Variants in FGF14 observed in about 807,000 individuals in gnomAD.
The protein encoded by FGF14 is fibroblast growth factor 14, also known as fibroblast growth factor homologous factor 4.
Under a neutral mutation model 25.5 loss-of-function variants are expected in FGF14, and 5 were observed. The ratio of observed to expected loss-of-function variants is 0.20; its 90% CI spans 0.10 to 0.41. FGF14 has a LOEUF of 0.41. FGF14 is among the 10% of genes least tolerant of loss of function. FGF14 has a pLI of 1.00. For missense variants in FGF14, 222 were observed against 320.1 expected (o/e 0.69, Z 2.34); for synonymous variants, 138 against 118.3 (o/e 1.17, Z -1.08).
intron 1 of FGF14, among the ~76,000 whole-genome samples, chr13:102,301,921 G>T (rs1339317915): frequency 6.6e-6 from 1 of 151,526 alleles, no homozygotes; most frequent in Non-Finnish European, 1.5e-5. Flanking sequence ...GAAAGGAAGT[G>T]TCATCGGAAG....
chr13:101,787,543 A>T (rs1353434777), intron 3 of FGF14, among the ~76,000 whole-genome samples: 1 of 152,158 alleles, frequency 6.6e-6, no homozygotes, highest in African/African-American at 2.4e-5. Flanking sequence ...CAAGCAGCTC[A>T]GTTTCCTCAA....
At chr13:101,814,725 A>G (rs1462905983) in intron 3 of FGF14, among the ~76,000 whole-genome samples, 1 of 152,208 alleles carries the variant, frequency 6.6e-6, no homozygotes, top group African/African-American at 2.4e-5. Context: ...TTTTTGAGGT[A>G]AACCTACAGG....
chr13:101,783,932 G>T (rs188524224), intron 3 of FGF14, among the ~76,000 whole-genome samples: 1 of 152,218 alleles, frequency 6.6e-6, no homozygotes, highest in East Asian at 1.9e-4. Flanking sequence ...GACTGACTAG[G>T]GAATGAATCC....
chr13:102,138,988 T>G (rs2046523418), intron 1 of FGF14, among the ~76,000 whole-genome samples: 1 of 152,224 alleles, frequency 6.6e-6, no homozygotes, highest in Non-Finnish European at 1.5e-5. Flanking sequence ...ATGCACATTT[T>G]AAAGCAAAAG....
intron 1 of FGF14, among the ~76,000 whole-genome samples, chr13:101,966,160 T>C (rs936949106): frequency 3.3e-5 from 5 of 152,222 alleles, no homozygotes; most frequent in African/African-American, 1.2e-4. Flanking sequence ...TGAAAACAGG[T>C]TCTTCACAAA....
At chr13:102,012,413 T>C (rs1052135804) in intron 1 of FGF14, among the ~76,000 whole-genome samples, 7 of 152,188 alleles carry the variant, frequency 4.6e-5, no homozygotes, top group Admixed American at 3.3e-4. Flanking sequence ...CTTTGTTATG[T>C]CTGGGCCTTT....
At chr13:101,987,305 C>G (rs2038640050) in intron 1 of FGF14, among the ~76,000 whole-genome samples, 1 of 152,114 alleles carries the variant, frequency 6.6e-6, no homozygotes, top group South Asian at 2.1e-4. Flanking sequence ...GTCTGCTGCT[C>G]TCTCTCCCTG....
At chr13:101,753,989 A>G (rs1271174166) in intron 3 of FGF14, among the ~76,000 whole-genome samples, 1 of 152,142 alleles carries the variant, frequency 6.6e-6, no homozygotes, top group East Asian at 1.9e-4. Context: ...ACAAAATAGA[A>G]AACAAAGTAA....
At chr13:102,229,384 C>T (rs1302670580) in intron 1 of FGF14, among the ~76,000 whole-genome samples, 5 of 152,180 alleles carry the variant, frequency 3.3e-5, no homozygotes, top group African/African-American at 1.2e-4. Flanking sequence ...CTTAGAACGA[C>T]TATTATCACC....
intron 1 of FGF14, among the ~76,000 whole-genome samples, chr13:102,345,570 T>C (rs1594906630): frequency 6.6e-6 from 1 of 152,240 alleles, no homozygotes; most frequent in Non-Finnish European, 1.5e-5. Flanking sequence ...GTCTCATATG[T>C]ATATGTTGGT....
At chr13:102,163,112 G>A (rs1594230030) in intron 1 of FGF14, among the ~76,000 whole-genome samples, 2 of 152,144 alleles carry the variant, frequency 1.3e-5, no homozygotes, top group African/African-American at 4.8e-5. Flanking sequence ...AAGCTCCAGT[G>A]CTTCCAAACA....
chr13:101,868,251 T>C (rs1191822727), intron 3 of FGF14: 2 of 183,296 alleles, frequency 1.1e-5, no homozygotes, highest in Non-Finnish European at 1.1e-5. Context: ...TTCCAATAAA[T>C]ATTACCACAA....
chr13:101,935,567 C>A (rs900406712), intron 1 of FGF14, among the ~76,000 whole-genome samples: 1 of 152,130 alleles, frequency 6.6e-6, no homozygotes, highest in East Asian at 1.9e-4. Context: ...TGGCATTTCC[C>A]CTGCTTGCAC....
At chr13:102,272,049 T>C (rs1384260376) in intron 1 of FGF14, among the ~76,000 whole-genome samples, 2 of 152,162 alleles carry the variant, frequency 1.3e-5, no homozygotes, top group East Asian at 3.9e-4. Context: ...CCTTAGCCTG[T>C]CCAGCTGCTC....
At chr13:102,222,898 T>G (rs1485277569) in intron 1 of FGF14, among the ~76,000 whole-genome samples, 1 of 152,158 alleles carries the variant, frequency 6.6e-6, no homozygotes, top group African/African-American at 2.4e-5. Context: ...GGTCAAGGCC[T>G]CCATTAACGC....
intron 3 of FGF14, among the ~76,000 whole-genome samples, chr13:101,830,268 C>T (rs913473996): frequency 3.9e-5 from 6 of 152,022 alleles, no homozygotes; most frequent in African/African-American, 1.4e-4. Context: ...TACAGTTATC[C>T]TGGGCCTGGG....
At chr13:102,150,460 C>A (rs1267305544) in intron 1 of FGF14, among the ~76,000 whole-genome samples, 2 of 152,112 alleles carry the variant, frequency 1.3e-5, no homozygotes, top group Non-Finnish European at 2.9e-5. Flanking sequence ...GCAATGGGTT[C>A]TTCATGTGCC....
Position 101,916,819 on chromosome 13 carries a change from C to G in FGF14, c.-174G>C, listed in dbSNP as rs2033560756. ...CTCAGTCCTGACCGGGACCCATCGCCCTCTCCGCGGGGCGCGGGGCCAGGC... is the reference window on the plus strand; with the variant it reads ...CTCAGTCCTGACCGGGACCCATCGCGCTCTCCGCGGGGCGCGGGGCCAGGC... On this transcript the variant is annotated 5_prime_UTR_variant, in exon 1 of 5. Transcript: ENST00000376143. 6.6e-6 allele frequency among the ~76,000 whole-genome samples: 1 copy of G among 152,134 alleles called. No homozygotes were observed. Among genetic ancestry groups the G allele is most frequent in the South Asian group, 2.1e-4 (1 of 4,836 alleles).
chr13:102,020,178 G>A (rs980146848), intron 1 of FGF14, among the ~76,000 whole-genome samples: 1 of 152,094 alleles, frequency 6.6e-6, no homozygotes, highest in East Asian at 1.9e-4. Context: ...TTATTTGAGG[G>A]AGGGACATGA....
Sources: gnomAD v4.1 joint callset for allele counts (sites outside exome capture counted in the v4.1 genomes callset) on GRCh38, gnomAD v4.1.1 for gene constraint, MANE v1.5 for transcripts, NCBI Gene and HGNC (gene_info 2026-07-23, HGNC 2026-07-21) for gene names.